Variants in MASP2 observed in about 807,000 individuals in gnomAD.
MASP2 encodes the protein mannan-binding lectin serine protease 2.
A neutral mutation model predicts 57.1 loss-of-function variants in MASP2; 49 were observed. The observed-to-expected ratio is 0.86, with a 90% confidence interval of 0.68 to 1.09. The LOEUF is 1.09. MASP2 is among the 50% of genes least tolerant of loss of function. MASP2 has a pLI of 0.00. For synonymous variants in MASP2, 379 were observed against 340.8 expected, an observed-to-expected ratio of 1.11 and a Z score of -1.24; for missense variants, 900 against 874.8, an observed-to-expected ratio of 1.03 and a Z score of -0.36.
chr1:11,035,021 G>A, intron 7 of MASP2, 115 bp from the exon 8 acceptor site: 1 of 691,392 alleles, frequency 1.4e-6, no homozygotes, highest in East Asian at 3.0e-5. Context: ...CTCCTGAAGG[G>A]GGTGGCAGCA....
rs1275755658 is a variant in MASP2, at chr1:11,046,638, GC to G, written c.329del (p.Gly110AlafsTer165). The G allele has an allele frequency of 6.2e-7, 1 of 1,613,544 alleles. No homozygotes were observed. Among genetic ancestry groups the G allele is most frequent in the East Asian group, 2.2e-5 (1 of 44,894 alleles). On this transcript the variant is annotated frameshift_variant, in exon 3 of 11. Coordinates refer to ENST00000400897, the MANE Select transcript of MASP2 (RefSeq NM_006610.4). LOFTEE classifies it high-confidence loss of function. ...AGCGGAAGGTAATGTCCAGGCTGGA[GC>G]CCAGCGAGTAGAAAGTGTCCTTGCC... Reference protein sequence around the residue: ...APGKDTFYSLGSSLDITFRSD... With the variant: ...APGKDTFYSLXSSLDITFRSD...
intron 10 of MASP2, among the ~76,000 whole-genome samples, chr1:11,028,211 C>T (rs1349001301): frequency 6.6e-6 from 1 of 151,512 alleles, no homozygotes; most frequent in Non-Finnish European, 1.5e-5. Context: ...GAGCAAAACT[C>T]CATCTCAAAA....
Position 11,027,308 on chromosome 1 carries a change from G to C in MASP2, c.1638C>G (p.Ser546Arg). 6.2e-7 allele frequency: 1 copy of C among 1,613,932 alleles called. No individual in the cohort carries two copies. Among genetic ancestry groups the C allele is most frequent in the South Asian group, 1.1e-5 (1 of 91,058 alleles). The change falls in exon 11 of 11, where the codon AGC (serine) becomes AGG (arginine). Residue 546 changes from serine to arginine, a missense_variant. By Grantham distance (110) the Ser-to-Arg change is moderately radical. Coordinates refer to ENST00000400897, the MANE Select transcript of MASP2 (RefSeq NM_006610.4). ...IKLNNKVVIN[S>R]NITPICLPRK... ...TTGGCAGACAAATAGGCGTGATGTT[G>C]CTATTGATTACAACTTTGTTATTCA...
intron 9 of MASP2, 174 bp downstream of exon 9, chr1:11,030,574 T>C: frequency 1.5e-6 from 1 of 671,696 alleles, no homozygotes; most frequent in Non-Finnish European, 2.4e-6. Flanking sequence ...TTCAGATTTT[T>C]GCAAATTGAC....
At chr1:11,035,357 CTACTAAAAAAA>C (rs1427867458) in intron 7 of MASP2, among the ~76,000 whole-genome samples, 1 of 151,546 alleles carries the variant, frequency 6.6e-6, no homozygotes, top group African/African-American at 2.4e-5. Context: ...AACCCTGTCT[CTACTAAAAAAA>C]TACAAAAAAT....
Position 11,026,603 on chromosome 1 carries a change from G to A in MASP2, c.*282C>T, listed in dbSNP as rs375230404. 6 of 265,512 alleles carry A rather than the reference G, an allele frequency of 2.3e-5. No individual in the cohort carries two copies. In the Admixed American group the frequency reaches 3.2e-4, roughly 14 times the overall value. 16.4% of individuals were successfully genotyped at this position (265,512 alleles called of 1,614,324 possible). ...CAACAGCCAGTATGAAAAGAGACTGGCTTTTTAAGGTAATGAAATGTAATT... is the reference window on the plus strand; with the variant it reads ...CAACAGCCAGTATGAAAAGAGACTGACTTTTTAAGGTAATGAAATGTAATT... On this transcript the variant is annotated 3_prime_UTR_variant, in exon 11 of 11. Coordinates refer to ENST00000400897, the MANE Select transcript of MASP2 (RefSeq NM_006610.4).
At chr1:11,038,946 C>G (rs1393540846) in intron 6 of MASP2, among the ~76,000 whole-genome samples, 4 of 152,078 alleles carry the variant, frequency 2.6e-5, no homozygotes, top group African/African-American at 9.7e-5. Flanking sequence ...TTCCCCTGCC[C>G]CAACTCATAC....
intron 10 of MASP2, chr1:11,029,932 T>G (rs1013395751): frequency 2.9e-6 from 1 of 348,164 alleles, no homozygotes; most frequent in African/African-American, 2.2e-5. Context: ...AAAAATCATT[T>G]AATTTTTTAT....
intron 8 of MASP2, 114 bp downstream of exon 8, chr1:11,034,714 A>AT: frequency 1.1e-5 from 8 of 700,386 alleles, no homozygotes; most frequent in Non-Finnish European, 1.8e-5. Context: ...AAAAAAAAAA[A>AT]GGGAAAGAAA....
At position 11,045,472 on chromosome 1, in the gene MASP2, C is replaced by T. The variant is rs761726622; in HGVS notation, c.480G>A (p.Leu160=). Residue 160 remains leucine, a synonymous_variant, in exon 4 of 11, where the codon CTG becomes CTA. Transcript: ENST00000400897. The part of the protein sequence containing the change: ...PTCDHHCHNH[L]GGFYCSCRAG... Reference sequence around the variant, plus strand: ...CGCGGCAGGAGCAGTAGAAACCGCCCAGGTGGTTGTGGCAGTGGTGGTCGC... The same window carrying T: ...CGCGGCAGGAGCAGTAGAAACCGCCTAGGTGGTTGTGGCAGTGGTGGTCGC... 4.3e-6 allele frequency: 7 copies of T among 1,612,946 alleles called. No individual in the cohort carries two copies. The highest frequency in any genetic ancestry group is 5.9e-6 in the Non-Finnish European group (7 of 1,179,984).
chr1:11,035,007 GGT>G, intron 7 of MASP2, 101 bp from the exon 8 acceptor site: 1 of 788,566 alleles, frequency 1.3e-6, no homozygotes, highest in Non-Finnish European at 2.0e-6. Flanking sequence ...TGTTTTACGA[GGT>G]GCTCCTGAAG....
rs1425133273 is a variant in MASP2 at position 11,043,505 on chromosome 1, C to T, written c.575G>A (p.Arg192Lys). 3.1e-6 allele frequency: 5 copies of T among 1,606,158 alleles called. No homozygotes were observed. The highest frequency in any genetic ancestry group is 2.7e-5 in the African/African-American group (2 of 74,942). The change falls in exon 5 of 11, where the codon AGG (arginine) becomes AAG (lysine). Residue 192 changes from arginine (R) to lysine (K), a missense_variant. Arg to Lys is a conservative substitution (Grantham distance 26). Coordinates refer to ENST00000400897, the MANE Select transcript of MASP2 (RefSeq NM_006610.4). Reference protein sequence around the residue: ...ALCSGQVFTQRSGELSSPEYP... With the variant: ...ALCSGQVFTQKSGELSSPEYP... Reference sequence around the variant, plus strand: ...TTCAGGGCTGCTGAGCTCCCCAGACCTCTGGGTGAAGACCTGGCCGGAGCA... The same window carrying T: ...TTCAGGGCTGCTGAGCTCCCCAGACTTCTGGGTGAAGACCTGGCCGGAGCA...
intron 6 of MASP2, among the ~76,000 whole-genome samples, chr1:11,040,842 C>A (rs575408621): frequency 8.0e-6 from 1 of 125,580 alleles, no homozygotes; most frequent in Admixed American, 7.9e-5. Flanking sequence ...AGATGGATGA[C>A]TGGGAGAATG....
At chr1:11,043,147 G>A (rs1638512604) in intron 5 of MASP2, 125 bp from the exon 6 acceptor site, 4 of 1,124,588 alleles carry the variant, frequency 3.6e-6, no homozygotes, top group Middle Eastern at 5.6e-4. Flanking sequence ...CATGGATTGG[G>A]GTGCCCCTCC....
chr1:11,034,202 C>T (rs1017717961), intron 8 of MASP2, among the ~76,000 whole-genome samples: 1 of 148,384 alleles, frequency 6.7e-6, no homozygotes, highest in African/African-American at 2.5e-5. Flanking sequence ...GAGATTGTAC[C>T]ACTGTACTCC....
rs564811047 is a variant in MASP2, at chr1:11,032,835, G to C, written c.1088-1953C>G. Reference sequence around the variant, plus strand: ...GAGGCAGGATAATTACTTGAACCCGGGAGAAGGAGGTTGCAGTGAGCCGAG... The same window carrying C: ...GAGGCAGGATAATTACTTGAACCCGCGAGAAGGAGGTTGCAGTGAGCCGAG... On this transcript the variant is annotated intron_variant, in intron 8 of 10. Coordinates refer to ENST00000400897, the MANE Select transcript of MASP2 (RefSeq NM_006610.4). 1.2e-3 allele frequency among the ~76,000 whole-genome samples: 189 copies of C among 151,758 alleles called. 1 individual carries two copies. The highest frequency in any genetic ancestry group is 4.6e-3 in the African/African-American group (188 of 41,318).
At chr1:11,033,965 A>ACACACTCTCT (rs1445746544) in intron 8 of MASP2, among the ~76,000 whole-genome samples, 3 of 15,434 alleles carry the variant, frequency 1.9e-4, no homozygotes, top group African/African-American at 5.2e-4. Flanking sequence ...ACACACACAC[A>ACACACTCTCT]CTCTCTCTCT....
intron 8 of MASP2, 121 bp from the exon 9 acceptor site, chr1:11,031,003 G>T: frequency 2.0e-6 from 2 of 989,986 alleles, no homozygotes; most frequent in Non-Finnish European, 2.9e-6. Flanking sequence ...AGGAGTTTGA[G>T]ACCAGCCTGG....
intron 10 of MASP2, among the ~76,000 whole-genome samples, chr1:11,029,045 T>G (rs111811173): frequency 0.038 from 5,602 of 148,606 alleles, 354 homozygotes; most frequent in African/African-American, 0.13. Context: ...CAGGCTGGAG[T>G]GCAGTGGCGC....
Sources: allele counts gnomAD v4.1 joint callset (sites outside exome capture counted in the v4.1 genomes callset), GRCh38; gene constraint gnomAD v4.1.1; transcripts MANE v1.5; gene names NCBI Gene and HGNC (gene_info 2026-07-23, HGNC 2026-07-21).